Variants in RAPGEF2 observed in about 807,000 individuals in gnomAD.
RAPGEF2 encodes the protein Rap guanine nucleotide exchange factor 2.
In RAPGEF2, 54 loss-of-function variants were observed where a neutral mutation model predicts 186.7. That is an observed-to-expected ratio of 0.29 (90% confidence interval 0.23 to 0.36). The LOEUF is 0.36. RAPGEF2 is among the 10% of genes least tolerant of loss of function. RAPGEF2 has a pLI of 1.00. For synonymous variants in RAPGEF2, 712 were observed against 705.9 expected (o/e 1.01, Z -0.14); for missense variants, 1,532 against 2,045.0 (o/e 0.75, Z 4.84).
intron 7 of RAPGEF2, among the ~76,000 whole-genome samples, chr4:159,256,402 T>G (rs937936470): frequency 2.6e-5 from 4 of 152,224 alleles, no homozygotes; most frequent in Admixed American, 1.3e-4. Flanking sequence ...GGCTGCAGAG[T>G]ATGCCATGGT....
At chr4:159,173,232 T>G (rs1458434435) in intron 1 of RAPGEF2, among the ~76,000 whole-genome samples, 1 of 152,174 alleles carries the variant, frequency 6.6e-6, no homozygotes, top group Non-Finnish European at 1.5e-5. Context: ...TTTTCTATAT[T>G]TAAAACCTTC....
intron 7 of RAPGEF2, among the ~76,000 whole-genome samples, chr4:159,248,324 T>C (rs1754897157): frequency 6.6e-6 from 1 of 152,194 alleles, no homozygotes; most frequent in Non-Finnish European, 1.5e-5. Flanking sequence ...TAGAGAGTGA[T>C]ATACATACAA....
chr4:159,190,015 A>G (rs10428270), intron 2 of RAPGEF2, among the ~76,000 whole-genome samples: 74,197 of 151,854 alleles, frequency 0.49, 20,056 homozygotes, highest in African/African-American at 0.74. Flanking sequence ...TGGGTGCTAG[A>G]CAGCTCTGGC....
chr4:159,247,406 C>T (rs188630323), intron 7 of RAPGEF2, among the ~76,000 whole-genome samples: 1 of 152,228 alleles, frequency 6.6e-6, no homozygotes, highest in African/African-American at 2.4e-5. Context: ...AATATCTTGG[C>T]TCAAAGAAAG....
At chr4:159,243,721 T>C in intron 6 of RAPGEF2, 53 bp from the exon 7 acceptor site, 1 of 1,171,980 alleles carries the variant, frequency 8.5e-7, no homozygotes, top group South Asian at 1.3e-5. Context: ...TGTCTGATAA[T>C]GTTCATCTTT....
At chr4:159,282,795 G>C (rs1346088377) in intron 7 of RAPGEF2, among the ~76,000 whole-genome samples, 1 of 152,110 alleles carries the variant, frequency 6.6e-6, no homozygotes, top group African/African-American at 2.4e-5. Context: ...TATACATTAT[G>C]CTATACAGTG....
intron 20 of RAPGEF2, among the ~76,000 whole-genome samples, chr4:159,342,558 T>TTTATA (rs1246206096): frequency 0.14 from 6,225 of 45,078 alleles, 191 homozygotes; most frequent in Non-Finnish European, 0.21. Flanking sequence ...TTTATATTAT[T>TTTATA]TTATTTTATT....
intron 1 of RAPGEF2, among the ~76,000 whole-genome samples, chr4:159,126,876 A>C (rs912348976): frequency 6.6e-6 from 1 of 152,226 alleles, no homozygotes. Context: ...ATTCATGTGC[A>C]TGGTAATTGT....
At chr4:159,351,162 A>G in intron 26 of RAPGEF2, 1 of 1,535,388 alleles carries the variant, frequency 6.5e-7, no homozygotes, top group Non-Finnish European at 8.7e-7. Context: ...ATAACAATGC[A>G]CCACGGACCT....
chr4:159,223,342 T>C lies in RAPGEF2; in HGVS notation c.281+12759T>C, dbSNP rs78717109. On this transcript the variant is annotated intron_variant, in intron 4 of 29. Transcript: ENST00000691494. ...CTTAGTTATACTTCTATCTACTTTATTGAGTCAGATATTTCAAGATAATCT... is the reference window on the plus strand; with the variant it reads ...CTTAGTTATACTTCTATCTACTTTACTGAGTCAGATATTTCAAGATAATCT... Among the ~76,000 whole-genome samples, 231 of 152,322 alleles carry C rather than the reference T, an allele frequency of 1.5e-3. 2 individuals are homozygous for C. The East Asian group carries it at 0.043, about 28-fold the overall frequency.
At chr4:159,148,980 C>T (rs1317895318) in intron 1 of RAPGEF2, among the ~76,000 whole-genome samples, 1 of 152,144 alleles carries the variant, frequency 6.6e-6, no homozygotes, top group Non-Finnish European at 1.5e-5. Context: ...TTGTTTACTG[C>T]AAGCATTTTT....
chr4:159,123,106 A>G (rs944659656), intron 1 of RAPGEF2, among the ~76,000 whole-genome samples: 30 of 152,306 alleles, frequency 2.0e-4, no homozygotes, highest in African/African-American at 6.3e-4. Flanking sequence ...ATATGTGTTA[A>G]TCGAGTGTTT....
intron 1 of RAPGEF2, among the ~76,000 whole-genome samples, chr4:159,110,408 T>C (rs890242607): frequency 6.6e-6 from 1 of 152,034 alleles, no homozygotes; most frequent in Non-Finnish European, 1.5e-5. Context: ...GCCAACATAG[T>C]GAAACCCTAT....
Position 159,116,225 on chromosome 4 carries a change from T to TA in RAPGEF2, c.69+11997dup, listed in dbSNP as rs376464949. Among the ~76,000 whole-genome samples the TA allele has an allele frequency of 3.3e-3, 506 of 152,014 alleles. 5 individuals are homozygous for TA. The highest frequency in any genetic ancestry group is 0.012 in the African/African-American group (489 of 41,460). ...TAATATCCACAATCTACAAGGAACATAAACAAATTTAGAAGAAAAAAACAA... is the reference window on the plus strand; with the variant it reads ...TAATATCCACAATCTACAAGGAACATAAAACAAATTTAGAAGAAAAAAACAA... On this transcript the variant is annotated intron_variant, in intron 1 of 29. Coordinates refer to ENST00000691494, the MANE Select transcript of RAPGEF2 (RefSeq NM_001394067.2).
Position 159,210,177 on chromosome 4 carries a change from G to A in RAPGEF2, c.198-323G>A, listed in dbSNP as rs1026178172. On this transcript the variant is annotated intron_variant, in intron 3 of 29. Coordinates refer to ENST00000691494, the MANE Select transcript of RAPGEF2 (RefSeq NM_001394067.2). ...ATAGTAAGTTTCACTGATAGCTCTG[G>A]GTATTTTTTCATTTTATGAAGCAAG... 2.6e-5 allele frequency among the ~76,000 whole-genome samples: 4 copies of A among 152,082 alleles called. No homozygotes were observed. In the East Asian group the frequency reaches 7.7e-4, roughly 29 times the overall value.
chr4:159,304,578 C>T (rs1339892379), intron 8 of RAPGEF2, 105 bp downstream of exon 8: 10 of 1,024,622 alleles, frequency 9.8e-6, no homozygotes, highest in Non-Finnish European at 8.4e-6. Flanking sequence ...GTGTATATTA[C>T]ATGTGCATGT....
At chr4:159,192,736 A>G (rs1228686592) in intron 2 of RAPGEF2, among the ~76,000 whole-genome samples, 1 of 152,228 alleles carries the variant, frequency 6.6e-6, no homozygotes, top group Non-Finnish European at 1.5e-5. Context: ...TATCAAGTTA[A>G]TTAGAGCCTT....
intron 3 of RAPGEF2, among the ~76,000 whole-genome samples, chr4:159,198,240 CT>C (rs1748897420): frequency 7.9e-6 from 1 of 126,504 alleles, no homozygotes; most frequent in African/African-American, 3.0e-5. Flanking sequence ...TCTTTTCTTT[CT>C]TTCTTCCTTT....
chr4:159,163,936 G>C (rs895788558), intron 1 of RAPGEF2, among the ~76,000 whole-genome samples: 3 of 152,112 alleles, frequency 2.0e-5, no homozygotes, highest in Admixed American at 2.0e-4. Flanking sequence ...AGGGCTACTT[G>C]TGAGGTTTCA....
Sources: allele counts gnomAD v4.1 joint callset (sites outside exome capture counted in the v4.1 genomes callset), GRCh38; gene constraint gnomAD v4.1.1; transcripts MANE v1.5; gene names NCBI Gene and HGNC (gene_info 2026-07-23, HGNC 2026-07-21).